XRRA1: variants seen among roughly 807,000 people sequenced by gnomAD.
The protein encoded by XRRA1 is X-ray radiation resistance associated 1.
In XRRA1, 69 loss-of-function variants were observed where a neutral mutation model predicts 80.2. That is an observed-to-expected ratio of 0.86 (90% CI 0.71 to 1.05). XRRA1 has a LOEUF of 1.05. Ranked by LOEUF, XRRA1 falls within the 50% of genes least tolerant of loss-of-function variation. The probability of loss-of-function intolerance (pLI) is 0.00; values close to 1 mark genes in which losing one functional copy is unlikely to be tolerated. For missense variants in XRRA1, 967 were observed against 976.4 expected, an observed-to-expected ratio of 0.99 and a Z score of 0.13; for synonymous variants, 348 against 389.9, an observed-to-expected ratio of 0.89 and a Z score of 1.27.
chr11:74,858,956 T>A (rs970003644), intron 12 of XRRA1, among the ~76,000 whole-genome samples: 1 of 152,166 alleles, frequency 6.6e-6, no homozygotes, highest in Non-Finnish European at 1.5e-5. Flanking sequence ...ACATGGTAAG[T>A]GCTAAATAAA....
At chr11:74,889,326 A>T (rs1274778217) in intron 10 of XRRA1, among the ~76,000 whole-genome samples, 1 of 152,194 alleles carries the variant, frequency 6.6e-6, no homozygotes, top group African/African-American at 2.4e-5. Flanking sequence ...TGAAGGAGAA[A>T]TAAAATCCTT....
rs398016677 is a variant in XRRA1, at chr11:74,922,256, CAAAAAAAAA to C, written c.523-918_523-910del. On this transcript the variant is annotated intron_variant, in intron 7 of 18. Transcript: ENST00000684022. ...TGGGCAACAGAGCAAGACTCTGCCT[CAAAAAAAAA>C]AAAAAAAAAAAAAGACAAAAGAAAT... Among the ~76,000 whole-genome samples the C allele has an allele frequency of 3.6e-4, 25 of 69,634 alleles. No individual in the cohort carries two copies. In the South Asian group the frequency reaches 0.014, roughly 39 times the overall value. 45.7% of individuals were successfully genotyped at this position (69,634 alleles called of 152,430 possible). A position where few individuals can be genotyped will look rare whatever the true frequency, so the allele number is the denominator to read the frequency against.
At chr11:74,882,788 C>T (rs1229300245) in intron 10 of XRRA1, among the ~76,000 whole-genome samples, 2 of 152,116 alleles carry the variant, frequency 1.3e-5, no homozygotes, top group Admixed American at 1.3e-4. Context: ...GTCAGTGTGC[C>T]CCTGCTGGGG....
At chr11:74,845,523 T>C (rs2037852419) in intron 15 of XRRA1, among the ~76,000 whole-genome samples, 1 of 152,202 alleles carries the variant, frequency 6.6e-6, no homozygotes, top group South Asian at 2.1e-4. Context: ...GAGGAATGCC[T>C]TAGCCTGAGC....
In XRRA1 at chr11:74,843,440, G is replaced by C; in HGVS notation, c.2163C>G (p.His721Gln). The part of the protein sequence containing the change: ...ITEAPLGAVL[H>Q]QWTERRLVNH... ...TCACCAGCCGCCGTTCTGTCCACTG[G>C]TGCAGGACAGCACCTGCAGGAAAAG... Residue 721 changes from histidine to glutamine, a missense_variant, in exon 19 of 19, where the codon CAC (histidine) becomes CAG (glutamine). By Grantham distance (24) the His-to-Gln change is conservative. Coordinates refer to ENST00000684022, the MANE Select transcript of XRRA1 (RefSeq NM_001378157.1). 1 of 1,612,130 alleles carries C rather than the reference G, an allele frequency of 6.2e-7. No homozygotes were observed. Among genetic ancestry groups the C allele is most frequent in the Middle Eastern group, 1.7e-4 (1 of 6,060 alleles).
intron 1 of XRRA1, among the ~76,000 whole-genome samples, chr11:74,948,241 G>A (rs1948031313): frequency 1.3e-5 from 2 of 152,186 alleles, no homozygotes; most frequent in South Asian, 4.1e-4. Flanking sequence ...CTCTGTCATG[G>A]AGTAGTAGTT....
At position 74,845,226 on chromosome 11, in the gene XRRA1, ACT is replaced by A; in HGVS notation, c.1772_1773del (p.Glu591ValfsTer36). On this transcript the variant is annotated frameshift_variant, in exon 16 of 19. Transcript: ENST00000684022. LOFTEE classifies it high-confidence loss of function. ...PSSVIHKDDL[E>X]LKEKDQKKPP... ...GGTTTCTTTTGGTCTTTCTCCTTTA[ACT>A]CTAAATCATCCTTATGGATGACGGA... is the stretch of plus-strand genomic sequence containing the variant. 6.2e-7 allele frequency: 1 copy of A among 1,613,764 alleles called. No individual in the cohort carries two copies. The highest frequency in any genetic ancestry group is 1.7e-5 in the Admixed American group (1 of 60,000).
At chr11:74,898,928 C>T in intron 10 of XRRA1, among the ~76,000 whole-genome samples, 1 of 152,156 alleles carries the variant, frequency 6.6e-6, no homozygotes, top group East Asian at 1.9e-4. Context: ...ATTTACAGAA[C>T]ATTTCATCCA....
chr11:74,946,706 G>C (rs1947602946), intron 1 of XRRA1, among the ~76,000 whole-genome samples: 1 of 151,674 alleles, frequency 6.6e-6, no homozygotes, highest in Non-Finnish European at 1.5e-5. Flanking sequence ...TACAGGCTGT[G>C]AGTATCTCCA....
chr11:74,856,666 A>C (rs1320142119), intron 12 of XRRA1, among the ~76,000 whole-genome samples: 1 of 152,244 alleles, frequency 6.6e-6, no homozygotes, highest in Non-Finnish European at 1.5e-5. Flanking sequence ...GCAGACATCC[A>C]GGGAGTTCAC....
chr11:74,936,833 C>A, intron 4 of XRRA1, 51 bp downstream of exon 4: 1 of 1,555,522 alleles, frequency 6.4e-7, no homozygotes, highest in Non-Finnish European at 8.7e-7. Context: ...TCCCCACTTC[C>A]TCCCCACCCT....
chr11:74,847,081 T>C (rs566623036), intron 15 of XRRA1, among the ~76,000 whole-genome samples: 21 of 152,346 alleles, frequency 1.4e-4, no homozygotes, highest in African/African-American at 5.1e-4. Flanking sequence ...CTATTTCCTT[T>C]CCTGTCCGTA....
chr11:74,858,736 C>A (rs1444361918), intron 12 of XRRA1, among the ~76,000 whole-genome samples: 1 of 152,206 alleles, frequency 6.6e-6, no homozygotes, highest in Non-Finnish European at 1.5e-5. Flanking sequence ...TGAGAACCTT[C>A]CTTGATCCCA....
chr11:74,843,085 T>A lies in XRRA1; in HGVS notation c.*115A>T. The A allele has an allele frequency of 7.3e-7, 1 of 1,375,862 alleles. No homozygotes were observed. The highest frequency in any genetic ancestry group is 9.6e-7 in the Non-Finnish European group (1 of 1,039,732). 85.2% of individuals were successfully genotyped at this position (1,375,862 alleles called of 1,614,324 possible). On this transcript the variant is annotated 3_prime_UTR_variant, in exon 19 of 19. Coordinates refer to ENST00000684022, the MANE Select transcript of XRRA1 (RefSeq NM_001378157.1). ...TTGTGGCCAGCAAGTGGGGCCCAGCTGAGCTCTGAGGCCTGTGGCCGGCTG... is the reference window on the plus strand; with the variant it reads ...TTGTGGCCAGCAAGTGGGGCCCAGCAGAGCTCTGAGGCCTGTGGCCGGCTG...
chr11:74,873,767 AC>A (rs1418577465), intron 10 of XRRA1, among the ~76,000 whole-genome samples: 1 of 152,186 alleles, frequency 6.6e-6, no homozygotes. Flanking sequence ...TCAGTGAAGT[AC>A]CTGGGTGTAG....
chr11:74,930,163 C>G (rs905551420), intron 6 of XRRA1, 137 bp downstream of exon 6: 17 of 754,844 alleles, frequency 2.3e-5, no homozygotes, highest in Non-Finnish European at 3.3e-5. Context: ...TTTGTGCTCT[C>G]CAGCACCCAG....
intron 10 of XRRA1, among the ~76,000 whole-genome samples, chr11:74,864,506 G>GT (rs2042976166): frequency 6.6e-6 from 1 of 152,226 alleles, no homozygotes. Flanking sequence ...TTGAAGGATT[G>GT]TTTTGAGGGT....
intron 7 of XRRA1, among the ~76,000 whole-genome samples, chr11:74,922,339 C>A (rs1338881240): frequency 2.0e-5 from 3 of 151,492 alleles, no homozygotes; most frequent in African/African-American, 7.3e-5. Flanking sequence ...CTATTGTCAA[C>A]CACCTTCTAA....
chr11:74,871,255 A>G (rs968563351), intron 10 of XRRA1, among the ~76,000 whole-genome samples: 2 of 152,218 alleles, frequency 1.3e-5, no homozygotes, highest in African/African-American at 4.8e-5. Context: ...ATCCAAGAGT[A>G]GCACCTTTTA....
Sources: allele counts gnomAD v4.1 joint callset (sites outside exome capture counted in the v4.1 genomes callset), GRCh38; gene constraint gnomAD v4.1.1; transcripts MANE v1.5; gene names NCBI Gene and HGNC (gene_info 2026-07-23, HGNC 2026-07-21).